The following CEP83 variants were observed in gnomAD, a reference collection of about 807,000 sequenced individuals.
CEP83 encodes centrosomal protein 83.
Under a neutral mutation model 101.9 loss-of-function variants are expected in CEP83, and 70 were observed. The observed-to-expected ratio is 0.69, with a 90% confidence interval of 0.57 to 0.84. The LOEUF is 0.84. Among genes scored for constraint, CEP83 ranks in the 40% least tolerant of loss-of-function variants. The probability of loss-of-function intolerance (pLI) is 0.00; values close to 1 mark genes in which losing one functional copy is unlikely to be tolerated. For missense variants in CEP83, 715 were observed against 787.2 expected (o/e 0.91, Z 1.10); for synonymous variants, 264 against 267.9 (o/e 0.99, Z 0.14).
rs1366316480 is a variant in CEP83 at position 94,346,049 on chromosome 12, CTCTT to C, written c.1344-10389_1344-10386del. On this transcript the variant is annotated intron_variant, in intron 11 of 16. Coordinates refer to ENST00000397809, the MANE Select transcript of CEP83 (RefSeq NM_016122.3). ...CCCTTGAGATCTCACCCTATTATTT[CTCTT>C]TCTTATTGTTTTTTTGAGACGGGGT... Among the ~76,000 whole-genome samples the C allele has an allele frequency of 4.6e-5, 7 of 152,092 alleles. No homozygotes were observed. The East Asian group carries it at 1.4e-3, about 30-fold the overall frequency.
intron 11 of CEP83, among the ~76,000 whole-genome samples, chr12:94,347,139 C>T (rs1432987858): frequency 1.3e-5 from 2 of 150,814 alleles, no homozygotes; most frequent in South Asian, 2.1e-4. Context: ...AAAGGAAAGT[C>T]ATAGATAAGG....
chr12:94,401,599 A>G (rs186829608), intron 5 of CEP83, among the ~76,000 whole-genome samples: 31 of 152,276 alleles, frequency 2.0e-4, no homozygotes, highest in African/African-American at 7.5e-4. Context: ...TCAGGCCACA[A>G]AGCAGAAAGA....
At chr12:94,359,910 C>G (rs2060661438) in intron 11 of CEP83, among the ~76,000 whole-genome samples, 1 of 152,068 alleles carries the variant, frequency 6.6e-6, no homozygotes. Context: ...AATCCAGCAA[C>G]ACGTTAAAAA....
intron 6 of CEP83, among the ~76,000 whole-genome samples, chr12:94,389,636 C>A (rs894640765): frequency 6.6e-6 from 1 of 152,104 alleles, no homozygotes; most frequent in African/African-American, 2.4e-5. Context: ...TGAGTGCAGC[C>A]CACAGAGGGT....
chr12:94,334,824 G>C (rs1213584706), intron 12 of CEP83, among the ~76,000 whole-genome samples: 1 of 152,070 alleles, frequency 6.6e-6, no homozygotes. Context: ...TATTAAATCT[G>C]TATTACAGCT....
chr12:94,427,352 C>T (rs2138114823), intron 2 of CEP83, among the ~76,000 whole-genome samples: 1 of 152,340 alleles, frequency 6.6e-6, no homozygotes, highest in African/African-American at 2.4e-5. Context: ...GCCTGTTAAT[C>T]AGTGAGCACT....
chr12:94,331,558 A>G, intron 14 of CEP83, 142 bp downstream of exon 14: 1 of 656,250 alleles, frequency 1.5e-6, no homozygotes, highest in African/African-American at 1.8e-5. Context: ...TTCAGTAGAG[A>G]TGGGGTTTCA....
At chr12:94,457,443 C>T (rs1392967482) in intron 1 of CEP83, among the ~76,000 whole-genome samples, 1 of 152,166 alleles carries the variant, frequency 6.6e-6, no homozygotes, top group African/African-American at 2.4e-5. Context: ...CACTAAAATT[C>T]ACTAATCTTT....
intron 13 of CEP83, among the ~76,000 whole-genome samples, chr12:94,332,130 G>A (rs368297567): frequency 1.1e-4 from 16 of 152,272 alleles, no homozygotes; most frequent in African/African-American, 3.6e-4. Flanking sequence ...AGCAGTTAAC[G>A]AACTTAAGGG....
At chr12:94,283,243 G>T in the CEP83 span, among the ~76,000 whole-genome samples, 1 of 152,298 alleles carries the variant, frequency 6.6e-6, no homozygotes, top group Middle Eastern at 3.4e-3. Context: ...CCTGGAGGAG[G>T]TTATGACTGA....
At chr12:94,311,203 G>A (rs1969813086) in intron 15 of CEP83, among the ~76,000 whole-genome samples, 1 of 152,182 alleles carries the variant, frequency 6.6e-6, no homozygotes, top group Non-Finnish European at 1.5e-5. Flanking sequence ...GGTGTCTGCA[G>A]GGAGGCATGC....
intron 6 of CEP83, among the ~76,000 whole-genome samples, chr12:94,379,340 A>G (rs1401045426): frequency 6.6e-6 from 1 of 152,202 alleles, no homozygotes; most frequent in Non-Finnish European, 1.5e-5. Context: ...ACATACATCA[A>G]GTATTTTAAA....
chr12:94,368,117 C>A lies in CEP83; in HGVS notation c.1133G>T (p.Arg378Leu), dbSNP rs781589454. Residue 378 changes from arginine (R) to leucine (L), a missense_variant, in exon 10 of 17, where the codon CGT (arginine) becomes CTT (leucine). Physicochemically the swap from Arg to Leu is moderately radical, Grantham distance 102 (BLOSUM62 -2). Coordinates refer to ENST00000397809, the MANE Select transcript of CEP83 (RefSeq NM_016122.3). ...LLVEKDRELI[R>L]KVQAAKEEGY... ...TTCTTCTTTGGCAGCTTGTACTTTA[C>A]GTATTAATTCACGATCCTTTTCTAC... 6.2e-7 allele frequency: 1 copy of A among 1,612,970 alleles called. No homozygotes were observed. Among genetic ancestry groups the A allele is most frequent in the Non-Finnish European group, 8.5e-7 (1 of 1,179,226 alleles).
At chr12:94,341,710 AT>A (rs2059695699) in intron 11 of CEP83, among the ~76,000 whole-genome samples, 1 of 152,214 alleles carries the variant, frequency 6.6e-6, no homozygotes, top group Non-Finnish European at 1.5e-5. Context: ...AGAATAGAAA[AT>A]TATTCACATT....
At chr12:94,432,264 G>A (rs190413099) in intron 2 of CEP83, among the ~76,000 whole-genome samples, 23 of 151,064 alleles carry the variant, frequency 1.5e-4, no homozygotes, top group Admixed American at 6.6e-4. Context: ...GGGTTTCACC[G>A]TTTTAGCCAG....
chr12:94,399,472 G>A (rs1156938996), intron 6 of CEP83, among the ~76,000 whole-genome samples: 2 of 152,206 alleles, frequency 1.3e-5, no homozygotes, highest in Non-Finnish European at 2.9e-5. Flanking sequence ...CACTTTGAGA[G>A]GCTGAGGCAG....
intron 6 of CEP83, among the ~76,000 whole-genome samples, chr12:94,379,367 T>C (rs537106631): frequency 1.3e-5 from 2 of 152,280 alleles, no homozygotes; most frequent in South Asian, 2.1e-4. Flanking sequence ...CATAACATTA[T>C]AGGGGTTCAT....
intron 1 of CEP83, among the ~76,000 whole-genome samples, chr12:94,438,000 T>C (rs1193140267): frequency 1.3e-5 from 2 of 152,020 alleles, no homozygotes; most frequent in African/African-American, 4.8e-5. Context: ...GCAGATCACC[T>C]GAGGTCAGGA....
the CEP83 span, among the ~76,000 whole-genome samples, chr12:94,301,434 T>A: frequency 2.6e-5 from 4 of 152,228 alleles, no homozygotes; most frequent in Admixed American, 2.6e-4. Flanking sequence ...CCTATTTGAA[T>A]ATAACACATT....
Sources: allele counts gnomAD v4.1 joint callset (sites outside exome capture counted in the v4.1 genomes callset), GRCh38; gene constraint gnomAD v4.1.1; transcripts MANE v1.5; gene names NCBI Gene and HGNC (gene_info 2026-07-23, HGNC 2026-07-21).